NT5C1B: variants seen among roughly 807,000 people sequenced by gnomAD.
NT5C1B encodes the protein 5'-nucleotidase, cytosolic IB.
Under a neutral mutation model 57.8 loss-of-function variants are expected in NT5C1B, and 44 were observed. The ratio of observed to expected loss-of-function variants is 0.76; its 90% CI spans 0.60 to 0.98. The LOEUF (loss-of-function observed/expected upper bound fraction) is 0.98. NT5C1B is among the 50% of genes least tolerant of loss of function. NT5C1B has a pLI of 0.00. For missense variants in NT5C1B, 742 were observed against 719.5 expected, an observed-to-expected ratio of 1.03 and a Z score of -0.36; for synonymous variants, 284 against 282.6, an observed-to-expected ratio of 1.00 and a Z score of -0.05.
rs1666732354 is a variant in NT5C1B at position 18,586,598 on chromosome 2, G to A, written c.121-207C>T. The A allele has an allele frequency of 1.9e-5, 15 of 795,792 alleles. No individual in the cohort carries two copies. In the South Asian group the frequency reaches 2.8e-4, roughly 15 times the overall value. 49.3% of individuals were successfully genotyped at this position (795,792 alleles called of 1,614,324 possible). Reference sequence around the variant, plus strand: ...CACTTCTGTTTGGAGCATCTATGTGGGGGTCCACTTGAAAGAGCATCCAAA... The same window carrying A: ...CACTTCTGTTTGGAGCATCTATGTGAGGGTCCACTTGAAAGAGCATCCAAA... On this transcript the variant is annotated intron_variant, in intron 2 of 8. Coordinates refer to ENST00000304081, the Ensembl canonical transcript of NT5C1B.
At chr2:18,587,389 T>G in intron 2 of NT5C1B, 114 bp downstream of exon 2, 1 of 1,536,358 alleles carries the variant, frequency 6.5e-7, no homozygotes, top group Non-Finnish European at 8.7e-7. Context: ...AGGGACGCCT[T>G]AATACAATTC....
At position 18,584,270 on chromosome 2, in the gene NT5C1B, G is replaced by A. The variant is rs541190581; in HGVS notation, c.724-15C>T. 1.6e-5 allele frequency: 26 copies of A among 1,610,356 alleles called. No individual in the cohort carries two copies. The Admixed American group carries it at 2.3e-4, about 14-fold the overall frequency. ...TTGGGTTTGGGCTGCAGAGAGGGAC[G>A]CCAAAGGGAGGATAGTCACATAGCC... On this transcript the variant is annotated splice_polypyrimidine_tract_variant and intron_variant, in intron 4 of 8. Transcript: ENST00000304081. The surrounding 1 kb of genome is among the most constrained non-coding windows in gnomAD (Gnocchi z 5.8).
rs188002185 is a variant in NT5C1B, at chr2:18,580,099, C to T, written c.1021+2769G>A. 1.7e-3 allele frequency among the ~76,000 whole-genome samples: 257 copies of T among 152,164 alleles called. 2 individuals are homozygous for T. Among genetic ancestry groups the T allele is most frequent in the African/African-American group, 6.0e-3 (251 of 41,514 alleles). The stretch of plus-strand genomic sequence containing the variant: ...CCACAATGAGATTATCATCTCATAC[C>T]GGTCAGAATGGCTATTATTAAAAAG... On this transcript the variant is annotated intron_variant, in intron 6 of 8. Transcript: ENST00000304081.
At chr2:18,585,310 G>T (rs1666599892) in intron 3 of NT5C1B, among the ~76,000 whole-genome samples, 1 of 152,134 alleles carries the variant, frequency 6.6e-6, no homozygotes, top group Non-Finnish European at 1.5e-5. Context: ...CCCCTGCTTG[G>T]CATATACCTA....
chr2:18,587,374 A>G, intron 2 of NT5C1B, 129 bp downstream of exon 2: 1 of 1,505,536 alleles, frequency 6.6e-7, no homozygotes, highest in Non-Finnish European at 8.8e-7. Flanking sequence ...TCTCATGAGG[A>G]CATTAGGGAC....
Position 18,587,154 on chromosome 2 carries a change from G to A in NT5C1B, c.120+349C>T, listed in dbSNP as rs776002305. On this transcript the variant is annotated intron_variant, in intron 2 of 8. Coordinates refer to ENST00000304081, the Ensembl canonical transcript of NT5C1B. ...GGGGCAACATCTCAGCGAGTGATTC[G>A]GATTGACTGCACGCCTCATCTGAAA... is the stretch of plus-strand genomic sequence containing the variant. 9.3e-6 allele frequency: 15 copies of A among 1,613,448 alleles called. No homozygotes were observed. The Admixed American group carries it at 1.5e-4, about 16-fold the overall frequency.
At chr2:18,586,785 A>G in intron 2 of NT5C1B, 1 of 818,940 alleles carries the variant, frequency 1.2e-6, no homozygotes, top group Non-Finnish European at 1.9e-6. Context: ...TGTAAAGGTG[A>G]GGGCAACTGG....
chr2:18,584,833 G>T lies in NT5C1B; in HGVS notation c.404C>A (p.Thr135Lys), dbSNP rs756570324. 1 of 1,611,018 alleles carries T rather than the reference G, an allele frequency of 6.2e-7. No individual in the cohort carries two copies. Among genetic ancestry groups the T allele is most frequent in the Admixed American group, 1.7e-5 (1 of 59,900 alleles). The change falls in exon 4 of 9, where the codon ACG becomes AAG. Residue 135 changes from threonine to lysine, a missense_variant. Thr to Lys is a moderately conservative substitution (Grantham distance 78). Coordinates refer to ENST00000304081, the Ensembl canonical transcript of NT5C1B. The surrounding 1 kb of genome is among the most constrained non-coding windows in gnomAD (Gnocchi z 5.8). ...GGAGCCAGGATCGGGCTCTGGGGGC[G>T]TGGGAGGCCGCGAGTCCAGCGACCG...
At chr2:18,582,931 C>A in exon 6 of NT5C1B, 1 of 1,614,058 alleles carries the variant, frequency 6.2e-7, no homozygotes, top group Non-Finnish European at 8.5e-7. Context: ...GTCATCAGTA[C>A]AATATCAAAT....
Position 18,584,742 on chromosome 2 carries a change from GC to G in NT5C1B, c.494del (p.Arg165ProfsTer62). 6.2e-7 allele frequency: 1 copy of G among 1,613,524 alleles called. No individual in the cohort carries two copies. Among genetic ancestry groups the G allele is most frequent in the Non-Finnish European group, 8.5e-7 (1 of 1,179,744 alleles). Reference sequence around the variant, plus strand: ...CCAGCGGCTGCGAGTCCCGGGTCTGGCGGATTTCCCGCACGATGCCTTGGGC... The same window carrying G: ...CCAGCGGCTGCGAGTCCCGGGTCTGGGGATTTCCCGCACGATGCCTTGGGC... On this transcript the variant is annotated frameshift_variant, in exon 4 of 9. Coordinates refer to ENST00000304081, the Ensembl canonical transcript of NT5C1B. LOFTEE classifies it high-confidence loss of function. The surrounding 1 kb of genome is among the most constrained non-coding windows in gnomAD (Gnocchi z 5.8).
rs758443500 is a variant in NT5C1B at position 18,563,874 on chromosome 2, G to T, written c.1575C>A (p.Asp525Glu). ...GTGCCCCTTCAATGTGGAACATGTG[G>T]TCATCAAAGAAGATGTGGGGCCGGA... is the stretch of plus-strand genomic sequence containing the variant. Residue 525 changes from aspartate (D) to glutamate (E), a missense_variant, in exon 9 of 9, where the codon GAC becomes GAA. Transcript: ENST00000304081. 1.9e-6 allele frequency: 3 copies of T among 1,613,796 alleles called. No homozygotes were observed. In the South Asian group the frequency reaches 3.3e-5, roughly 18 times the overall value.
intron 8 of NT5C1B, among the ~76,000 whole-genome samples, chr2:18,564,632 G>A (rs1664476247): frequency 6.6e-6 from 1 of 152,056 alleles, no homozygotes; most frequent in African/African-American, 2.4e-5. Context: ...AGTATCTCTT[G>A]TACAGAGCCT....
At chr2:18,583,769 A>G (rs1467746629) in intron 5 of NT5C1B, 2 of 518,406 alleles carry the variant, frequency 3.9e-6, no homozygotes, top group East Asian at 1.0e-4. Flanking sequence ...TTTTATTTCT[A>G]CTACTCAGGA....
intron 5 of NT5C1B, 43 bp from the exon 6 acceptor site, chr2:18,583,040 G>C: frequency 6.3e-7 from 1 of 1,593,026 alleles, no homozygotes; most frequent in African/African-American, 1.3e-5. Flanking sequence ...GGGGCAGGCA[G>C]GGTGGATCTG....
chr2:18,580,939 G>A (rs1666130715), intron 6 of NT5C1B, among the ~76,000 whole-genome samples: 1 of 152,208 alleles, frequency 6.6e-6, no homozygotes, highest in Non-Finnish European at 1.5e-5. Flanking sequence ...GCCTACTTGA[G>A]GGTGGAGGGT....
At chr2:18,565,337 G>A (rs569483174) in intron 8 of NT5C1B, among the ~76,000 whole-genome samples, 12 of 152,164 alleles carry the variant, frequency 7.9e-5, no homozygotes, top group South Asian at 2.1e-4. Flanking sequence ...CATGTTGGCC[G>A]AAATTTGTCC....
exon 9 of NT5C1B, chr2:18,563,362 CAGTTT>C (rs1415741433): frequency 6.5e-6 from 1 of 153,034 alleles, no homozygotes; most frequent in Non-Finnish European, 1.5e-5. Context: ...TACAAAGCTC[CAGTTT>C]TCAAGAGTGT....
At chr2:18,575,746 G>A (rs1378899134) in intron 8 of NT5C1B, among the ~76,000 whole-genome samples, 1 of 152,108 alleles carries the variant, frequency 6.6e-6, no homozygotes, top group Non-Finnish European at 1.5e-5. Flanking sequence ...GTTCTTAGTT[G>A]TGCATATTTT....
At chr2:18,565,830 T>C (rs1295995955) in intron 8 of NT5C1B, among the ~76,000 whole-genome samples, 1 of 152,128 alleles carries the variant, frequency 6.6e-6, no homozygotes, top group African/African-American at 2.4e-5. Context: ...TCCCCCAACA[T>C]GATTTTAAAG....
Sources: allele counts gnomAD v4.1 joint callset (sites outside exome capture counted in the v4.1 genomes callset), GRCh38; gene constraint gnomAD v4.1.1; non-coding constraint Gnocchi (gnomAD v3.1); transcripts MANE v1.5; gene names NCBI Gene and HGNC (gene_info 2026-07-23, HGNC 2026-07-21).